Variants in SRGAP3 observed in about 807,000 individuals in gnomAD.
SRGAP3 encodes SLIT-ROBO Rho GTPase activating protein 3, also known as SLIT-ROBO Rho GTPase-activating protein 3.
Under a neutral mutation model 121.1 loss-of-function variants are expected in SRGAP3, and 39 were observed. The ratio of observed to expected loss-of-function variants is 0.32; its 90% CI spans 0.25 to 0.42. The LOEUF (loss-of-function observed/expected upper bound fraction) is 0.42. Ranked by LOEUF, SRGAP3 falls within the 10% of genes least tolerant of loss-of-function variation. The pLI is 1.00. For synonymous variants in SRGAP3, 601 were observed against 570.0 expected (o/e 1.05, Z -0.77); for missense variants, 1,213 against 1,470.6 (o/e 0.82, Z 2.86).
At chr3:9,038,292 T>A (rs900095024) in intron 10 of SRGAP3, among the ~76,000 whole-genome samples, 2 of 152,230 alleles carry the variant, frequency 1.3e-5, no homozygotes, top group African/African-American at 2.4e-5. Flanking sequence ...AGGGCTGTGT[T>A]CACACACACA....
intron 2 of SRGAP3, among the ~76,000 whole-genome samples, chr3:9,105,224 A>T (rs1560158776): frequency 1.3e-5 from 2 of 152,252 alleles, no homozygotes; most frequent in Non-Finnish European, 2.9e-5. Flanking sequence ...AACAAAAAGT[A>T]GATACTTCCA....
chr3:9,201,134 T>C (rs888726300), intron 1 of SRGAP3, among the ~76,000 whole-genome samples: 4 of 152,136 alleles, frequency 2.6e-5, no homozygotes, highest in Non-Finnish European at 5.9e-5. Flanking sequence ...TAATATTGGT[T>C]TTCTAATAGG....
intron 1 of SRGAP3, among the ~76,000 whole-genome samples, chr3:9,335,382 T>A (rs1029128524): frequency 7.9e-4 from 120 of 152,356 alleles, no homozygotes; most frequent in African/African-American, 2.8e-3. Context: ...CTAATTTTTT[T>A]AAATGGAAAA....
intron 3 of SRGAP3, among the ~76,000 whole-genome samples, chr3:9,302,125 G>T (rs1955069180): frequency 1.3e-5 from 2 of 152,162 alleles, no homozygotes; most frequent in Admixed American, 1.3e-4. Flanking sequence ...GACCCAATGA[G>T]GTAAGTATTA....
chr3:9,028,133 G>T, intron 12 of SRGAP3: 1 of 1,614,092 alleles, frequency 6.2e-7, no homozygotes, highest in East Asian at 2.2e-5. Context: ...TTCTTCCTCT[G>T]ATAACAAAAA....
intron 2 of SRGAP3, among the ~76,000 whole-genome samples, chr3:9,106,815 G>A (rs145546190): frequency 9.2e-5 from 14 of 152,072 alleles, no homozygotes; most frequent in African/African-American, 3.1e-4. Flanking sequence ...TATCAGCAGT[G>A]TGAAAATGGA....
chr3:9,032,979 C>G (rs922973481), intron 11 of SRGAP3, among the ~76,000 whole-genome samples: 1 of 152,072 alleles, frequency 6.6e-6, no homozygotes, highest in African/African-American at 2.4e-5. Context: ...TTACATAACT[C>G]AAATGCATTC....
intron 1 of SRGAP3, among the ~76,000 whole-genome samples, chr3:9,348,237 T>C (rs1281211790): frequency 6.6e-6 from 1 of 152,052 alleles, no homozygotes; most frequent in African/African-American, 2.4e-5. Context: ...TGAAATGACA[T>C]CTATGAGAGT....
chr3:9,260,043 A>G (rs1012777588), intron 3 of SRGAP3, among the ~76,000 whole-genome samples: 1 of 152,008 alleles, frequency 6.6e-6, no homozygotes, highest in Admixed American at 6.6e-5. Context: ...GGGAAGCACA[A>G]GGAGTCAGGG....
At chr3:9,143,910 G>A (rs373663369) in intron 1 of SRGAP3, among the ~76,000 whole-genome samples, 15 of 152,028 alleles carry the variant, frequency 9.9e-5, no homozygotes, top group East Asian at 9.7e-4. Context: ...TGTCCTATCC[G>A]TTCTACCAGC....
Position 9,002,406 on chromosome 3 carries a change from A to C in SRGAP3, c.2228-7883T>G, listed in dbSNP as rs572178772. Among the ~76,000 whole-genome samples the C allele has an allele frequency of 2.0e-5, 3 of 152,348 alleles. No individual in the cohort carries two copies. In the South Asian group the frequency reaches 6.2e-4, roughly 32 times the overall value. On this transcript the variant is annotated intron_variant, in intron 18 of 21. Transcript: ENST00000383836. ...TGAGATGAATGAAAATGAAGATACAACATATCAAAACTTATGGGATGCAGC... is the reference window on the plus strand; with the variant it reads ...TGAGATGAATGAAAATGAAGATACACCATATCAAAACTTATGGGATGCAGC...
At chr3:9,329,128 A>C (rs917930083) in intron 2 of SRGAP3, among the ~76,000 whole-genome samples, 6 of 152,222 alleles carry the variant, frequency 3.9e-5, no homozygotes, top group Admixed American at 2.6e-4. Flanking sequence ...ACACAGAAAA[A>C]TGAATTCATC....
chr3:9,273,408 T>A (rs1954516720), intron 3 of SRGAP3, among the ~76,000 whole-genome samples: 1 of 152,234 alleles, frequency 6.6e-6, no homozygotes, highest in Admixed American at 6.5e-5. Context: ...TCAAAAAATG[T>A]CTATCCAAGT....
chr3:9,007,421 T>C (rs566274280), intron 18 of SRGAP3: 1 of 152,318 alleles, frequency 6.6e-6, no homozygotes, highest in South Asian at 2.1e-4. Context: ...CTGGATTCCA[T>C]TCATACCGGG....
chr3:9,177,813 T>C (rs1484632514), intron 1 of SRGAP3, among the ~76,000 whole-genome samples: 4 of 152,180 alleles, frequency 2.6e-5, no homozygotes, highest in Non-Finnish European at 4.4e-5. Context: ...GGGAAGACCA[T>C]GTGACCCTGG....
intron 3 of SRGAP3, among the ~76,000 whole-genome samples, chr3:9,255,563 T>C (rs991940574): frequency 2.6e-5 from 4 of 152,196 alleles, no homozygotes; most frequent in Non-Finnish European, 2.9e-5. Context: ...GGCCCCTGGC[T>C]ATCCCTGAAC....
intron 18 of SRGAP3, among the ~76,000 whole-genome samples, chr3:9,003,791 A>G (rs1026702069): frequency 2.0e-5 from 3 of 152,208 alleles, no homozygotes; most frequent in African/African-American, 7.2e-5. Flanking sequence ...CACAGCTAAC[A>G]TCATACGTAA....
chr3:9,053,400 C>G (rs1449336464), intron 8 of SRGAP3, among the ~76,000 whole-genome samples, 176 bp from the exon 9 acceptor site: 1 of 152,184 alleles, frequency 6.6e-6, no homozygotes, highest in Non-Finnish European at 1.5e-5. Context: ...AGTCACCAAC[C>G]CAAAATCACA....
chr3:9,137,943 C>A (rs1045006526), intron 1 of SRGAP3, among the ~76,000 whole-genome samples: 2 of 152,196 alleles, frequency 1.3e-5, no homozygotes, highest in Admixed American at 1.3e-4. Flanking sequence ...AATTTCAACA[C>A]GAGATTAATA....
Sources: gnomAD v4.1 joint callset for allele counts (sites outside exome capture counted in the v4.1 genomes callset) on GRCh38, gnomAD v4.1.1 for gene constraint, MANE v1.5 for transcripts, NCBI Gene and HGNC (gene_info 2026-07-23, HGNC 2026-07-21) for gene names.